The following CSMD3 variants were observed in gnomAD, a reference collection of about 807,000 sequenced individuals.
The protein encoded by CSMD3 is CUB and sushi domain-containing protein 3.
Under a neutral mutation model 435.2 loss-of-function variants are expected in CSMD3, and 177 were observed. That is an observed-to-expected ratio of 0.41 (90% confidence interval 0.36 to 0.46). The LOEUF is 0.46. CSMD3 is among the 20% of genes least tolerant of loss of function. CSMD3 has a pLI of 0.34. For synonymous variants in CSMD3, 1,656 were observed against 1,520.5 expected (o/e 1.09, Z -2.07); for missense variants, 4,265 against 4,504.6 (o/e 0.95, Z 1.52).
intron 22 of CSMD3, among the ~76,000 whole-genome samples, chr8:112,605,176 T>C (rs1371305223): frequency 6.6e-6 from 1 of 152,224 alleles, no homozygotes; most frequent in Non-Finnish European, 1.5e-5. Flanking sequence ...TATACATTGC[T>C]GGTGGGTATG....
At chr8:112,980,531 A>G (rs1394575951) in intron 6 of CSMD3, among the ~76,000 whole-genome samples, 1 of 151,492 alleles carries the variant, frequency 6.6e-6, no homozygotes, top group Non-Finnish European at 1.5e-5. Flanking sequence ...ATATACACAA[A>G]TAACACCAAC....
At chr8:112,711,006 A>T (rs1455636319) in intron 13 of CSMD3, among the ~76,000 whole-genome samples, 1 of 152,000 alleles carries the variant, frequency 6.6e-6, no homozygotes, top group Non-Finnish European at 1.5e-5. Context: ...CCCACAGGCC[A>T]GTTCACTACA....
At chr8:113,242,237 A>C (rs1038491932) in intron 3 of CSMD3, among the ~76,000 whole-genome samples, 12 of 151,952 alleles carry the variant, frequency 7.9e-5, no homozygotes, top group Admixed American at 7.9e-4. Context: ...TTAGGCACAT[A>C]TACCTACTCA....
intron 1 of CSMD3, among the ~76,000 whole-genome samples, chr8:113,321,377 C>A (rs1181888335): frequency 2.6e-5 from 4 of 151,884 alleles, no homozygotes; most frequent in African/African-American, 4.8e-5. Context: ...AGGAATAGTT[C>A]TTTGAAGTTT....
intron 35 of CSMD3, among the ~76,000 whole-genome samples, chr8:112,398,515 C>T (rs1831045505): frequency 6.6e-6 from 1 of 152,188 alleles, no homozygotes; most frequent in African/African-American, 2.4e-5. Flanking sequence ...AGTTCTTTGC[C>T]TGGGCAGAGA....
intron 5 of CSMD3, among the ~76,000 whole-genome samples, chr8:113,029,926 A>G (rs1260193108): frequency 6.6e-6 from 1 of 151,666 alleles, no homozygotes; most frequent in African/African-American, 2.4e-5. Flanking sequence ...AAAATTCAGC[A>G]AAGTTTCCGC....
intron 6 of CSMD3, among the ~76,000 whole-genome samples, chr8:112,997,644 G>A (rs1035772211): frequency 5.3e-5 from 8 of 151,370 alleles, no homozygotes; most frequent in African/African-American, 1.9e-4. Flanking sequence ...CATTTTCACA[G>A]GCTAAACCCT....
chr8:112,962,464 G>C (rs1397837066), intron 7 of CSMD3, among the ~76,000 whole-genome samples: 1 of 151,630 alleles, frequency 6.6e-6, no homozygotes, highest in African/African-American at 2.4e-5. Flanking sequence ...ACTTTCTTCA[G>C]ACTGTGGACA....
At chr8:113,064,390 A>G (rs2088759638) in intron 5 of CSMD3, among the ~76,000 whole-genome samples, 1 of 152,102 alleles carries the variant, frequency 6.6e-6, no homozygotes, top group African/African-American at 2.4e-5. Flanking sequence ...TGTTTAATAT[A>G]TAACTTATTT....
intron 13 of CSMD3, among the ~76,000 whole-genome samples, chr8:112,738,603 G>GA (rs1049921254): frequency 1.3e-5 from 2 of 151,442 alleles, no homozygotes; most frequent in African/African-American, 2.4e-5. Context: ...ATATTTCTCA[G>GA]AAAAAAATGG....
At position 112,889,627 on chromosome 8, in the gene CSMD3, A is replaced by T. The variant is rs1002558758; in HGVS notation, c.1634-30361T>A. Among the ~76,000 whole-genome samples the T allele has an allele frequency of 1.8e-3, 269 of 151,788 alleles. 1 individual carries two copies. Among genetic ancestry groups the T allele is most frequent in the Non-Finnish European group, 3.1e-3 (209 of 67,766 alleles). ...TTTCATGTCTGCTTGGGAAAACTTC[A>T]AATTGAATTAAGAGCAGGCAAATTT... On this transcript the variant is annotated intron_variant, in intron 10 of 70. Coordinates refer to ENST00000297405, the MANE Select transcript of CSMD3 (RefSeq NM_198123.2).
intron 7 of CSMD3, among the ~76,000 whole-genome samples, chr8:112,968,654 T>C (rs1423899197): frequency 6.6e-6 from 1 of 151,958 alleles, no homozygotes; most frequent in Non-Finnish European, 1.5e-5. Context: ...ACCCATTCTG[T>C]GGTAATTCTT....
rs374001947 is a variant in CSMD3 at position 112,845,058 on chromosome 8, G to T, written c.1755+14087C>A. On this transcript the variant is annotated intron_variant, in intron 11 of 70. Transcript: ENST00000297405. ...GAAAAAATACAAACAAAAATGCTTT[G>T]CCATTTGCATATTTTGCCTACTTTG... Among the ~76,000 whole-genome samples, 29 of 152,026 alleles carry T rather than the reference G, an allele frequency of 1.9e-4. No individual in the cohort carries two copies. In the East Asian group the frequency reaches 3.7e-3, roughly 19 times the overall value.
intron 2 of CSMD3, chr8:113,309,972 A>G (rs950472278): frequency 2.0e-5 from 3 of 152,234 alleles, no homozygotes; most frequent in African/African-American, 7.2e-5. Context: ...ACTGTATAAT[A>G]ACAAACTTCT....
chr8:112,512,067 T>C (rs1401427966), intron 28 of CSMD3, among the ~76,000 whole-genome samples: 1 of 152,168 alleles, frequency 6.6e-6, no homozygotes, highest in African/African-American at 2.4e-5. Context: ...CTTCTTCCAC[T>C]GAAGTCTTAA....
rs539938827 is a variant in CSMD3 at position 112,509,543 on chromosome 8, C to T, written c.4757-2714G>A. On this transcript the variant is annotated intron_variant, in intron 28 of 70. Coordinates refer to ENST00000297405, the MANE Select transcript of CSMD3 (RefSeq NM_198123.2). ...ATAATAATAATGAAGACTTTGCTGCCTTTATCTTTCTCTTCATATCTGTAG... is the reference window on the plus strand; with the variant it reads ...ATAATAATAATGAAGACTTTGCTGCTTTTATCTTTCTCTTCATATCTGTAG... 3.3e-5 allele frequency among the ~76,000 whole-genome samples: 5 copies of T among 152,222 alleles called. No individual in the cohort carries two copies. The South Asian group carries it at 1.0e-3, about 32-fold the overall frequency.
chr8:113,289,495 CCGAG>C (rs1423729926), intron 2 of CSMD3, among the ~76,000 whole-genome samples: 1 of 149,154 alleles, frequency 6.7e-6, no homozygotes, highest in Non-Finnish European at 1.5e-5. Flanking sequence ...AAAATTATGA[CCGAG>C]AGAGAGGTGA....
intron 32 of CSMD3, among the ~76,000 whole-genome samples, chr8:112,422,316 T>C (rs1039763518): frequency 2.0e-5 from 3 of 152,212 alleles, no homozygotes; most frequent in African/African-American, 7.2e-5. Flanking sequence ...GGAATAGATT[T>C]CTATTATCTT....
rs1812914429 is a variant in CSMD3, at chr8:112,229,767, GT to G, written c.10829-877del. 2.0e-5 allele frequency among the ~76,000 whole-genome samples: 3 copies of G among 152,118 alleles called. No individual in the cohort carries two copies. In the South Asian group the frequency reaches 6.2e-4, roughly 32 times the overall value. On this transcript the variant is annotated intron_variant, in intron 69 of 70. Coordinates refer to ENST00000297405, the MANE Select transcript of CSMD3 (RefSeq NM_198123.2). ...ACCTCAGTGAGGAACAACTGAAGGT[GT>G]TTAGAAATAAAAGACCCAGTGATAT...
Sources: allele counts gnomAD v4.1 joint callset (sites outside exome capture counted in the v4.1 genomes callset), GRCh38; gene constraint gnomAD v4.1.1; transcripts MANE v1.5; gene names NCBI Gene and HGNC (gene_info 2026-07-23, HGNC 2026-07-21).